The following CPEB1 variants were observed in gnomAD, a reference collection of about 807,000 sequenced individuals.
CPEB1 encodes the protein cytoplasmic polyadenylation element-binding protein 1.
Under a neutral mutation model 65.8 loss-of-function variants are expected in CPEB1, and 7 were observed. The ratio of observed to expected loss-of-function variants is 0.11; its 90% CI spans 0.06 to 0.20. CPEB1 has a LOEUF of 0.20. Among genes scored for constraint, CPEB1 ranks in the 10% least tolerant of loss-of-function variants. The pLI, the probability that CPEB1 is intolerant of heterozygous loss-of-function variation, is 1.00. For missense variants in CPEB1, 551 were observed against 712.2 expected, an observed-to-expected ratio of 0.77 and a Z score of 2.58; for synonymous variants, 262 against 260.0, an observed-to-expected ratio of 1.01 and a Z score of -0.08.
At position 82,549,763 on chromosome 15, in the gene CPEB1, C is replaced by T. The variant is rs1567167149; in HGVS notation, c.1282-105G>A. On this transcript the variant is annotated intron_variant, in intron 9 of 12. Transcript: ENST00000684509. ...TGGAGATACTGAAGCTAAGCTAACG[C>T]CCTTACAGGGGTGAAAAGGTGCTGT... 4 of 1,117,170 alleles carry T rather than the reference C, an allele frequency of 3.6e-6. No homozygotes were observed. In the East Asian group the frequency reaches 7.7e-5, roughly 21 times the overall value. The allele number at this position is 1,117,170 out of a possible 1,614,324, so 69.2% of individuals were successfully genotyped here.
intron 3 of CPEB1, among the ~76,000 whole-genome samples, chr15:82,574,655 A>G (rs1411652004): frequency 7.1e-6 from 1 of 141,210 alleles, no homozygotes; most frequent in Admixed American, 7.6e-5. Context: ...CAGGAAGGGG[A>G]GAGGTTGCAG....
intron 5 of CPEB1, chr15:82,556,614 T>C (rs2037244592): frequency 6.6e-6 from 1 of 152,604 alleles, no homozygotes; most frequent in Admixed American, 6.5e-5. Flanking sequence ...TTTACGTGTG[T>C]GAAATGATAC....
intron 3 of CPEB1, among the ~76,000 whole-genome samples, chr15:82,607,806 C>G (rs71412264): frequency 0.015 from 2,243 of 152,166 alleles, 26 homozygotes; most frequent in East Asian, 0.025. Flanking sequence ...CACCAATGAA[C>G]CTAACACAGA....
chr15:82,569,240 T>C (rs1181165602), intron 4 of CPEB1, among the ~76,000 whole-genome samples: 1 of 152,186 alleles, frequency 6.6e-6, no homozygotes, highest in East Asian at 1.9e-4. Context: ...AGTACCCTCA[T>C]GTGGGCTTTC....
intron 1 of CPEB1, among the ~76,000 whole-genome samples, chr15:82,634,488 T>A (rs1413042939): frequency 1.3e-5 from 2 of 152,198 alleles, no homozygotes; most frequent in African/African-American, 4.8e-5. Flanking sequence ...AGTTTGCCTT[T>A]AATGGACAAC....
At chr15:82,647,999 T>G (rs1362485022), upstream of CPEB1, 6 of 704,420 alleles carry the variant, frequency 8.5e-6, no homozygotes, top group Non-Finnish European at 1.2e-5. Flanking sequence ...CTTATGAAGC[T>G]CCTACGAGCC....
chr15:82,546,352 C>G, intron 12 of CPEB1, 89 bp downstream of exon 12: 1 of 1,042,076 alleles, frequency 9.6e-7, no homozygotes, highest in South Asian at 1.4e-5. Flanking sequence ...ACCTTGGCAT[C>G]CCAAAGTGCT....
At chr15:82,642,104 G>C (rs1424519456) in intron 1 of CPEB1, among the ~76,000 whole-genome samples, 1 of 152,122 alleles carries the variant, frequency 6.6e-6, no homozygotes, top group Non-Finnish European at 1.5e-5. Flanking sequence ...TGCACTGTTG[G>C]GGCAGGTCCT....
intron 4 of CPEB1, among the ~76,000 whole-genome samples, chr15:82,570,498 G>C (rs2039859462): frequency 6.6e-6 from 1 of 151,050 alleles, no homozygotes; most frequent in Admixed American, 6.7e-5. Context: ...TAGTGTTTAA[G>C]TTCACATTTC....
At chr15:82,634,041 C>T (rs2046464772) in intron 1 of CPEB1, among the ~76,000 whole-genome samples, 1 of 151,930 alleles carries the variant, frequency 6.6e-6, no homozygotes, top group South Asian at 2.1e-4. Flanking sequence ...CATGGATATG[C>T]TCAATAAATA....
At chr15:82,545,935 A>G (rs1411503740) in intron 12 of CPEB1, among the ~76,000 whole-genome samples, 1 of 152,152 alleles carries the variant, frequency 6.6e-6, no homozygotes, top group Non-Finnish European at 1.5e-5. Flanking sequence ...CCAGGCAAGA[A>G]AAAGACCAAA....
At chr15:82,577,444 A>G (rs555373941) in intron 3 of CPEB1, among the ~76,000 whole-genome samples, 89 of 152,252 alleles carry the variant, frequency 5.8e-4, no homozygotes, top group African/African-American at 2.1e-3. Context: ...AGTTTTCTCT[A>G]TCTTTTAAGT....
chr15:82,590,209 CA>C (rs5814120), intron 3 of CPEB1, among the ~76,000 whole-genome samples: 3,679 of 102,246 alleles, frequency 0.036, 19 homozygotes, highest in Non-Finnish European at 0.053. Flanking sequence ...ATCCCTTTGA[CA>C]AAAAAAAAAA....
intron 4 of CPEB1, among the ~76,000 whole-genome samples, chr15:82,570,470 A>G (rs1043039434): frequency 4.0e-5 from 6 of 150,286 alleles, no homozygotes; most frequent in Admixed American, 1.3e-4. Flanking sequence ...CAAAATATGT[A>G]GCTTGTAAGT....
chr15:82,553,636 TTCTCCTCC>T (rs1283780536), intron 7 of CPEB1, 80 bp from the exon 8 acceptor site: 42 of 1,057,094 alleles, frequency 4.0e-5, no homozygotes, highest in Non-Finnish European at 5.3e-5. Flanking sequence ...ATCACCAGCA[TTCTCCTCC>T]CTGGCTCATC....
chr15:82,564,817 T>C (rs1302306522), intron 4 of CPEB1, among the ~76,000 whole-genome samples: 1 of 152,124 alleles, frequency 6.6e-6, no homozygotes, highest in Non-Finnish European at 1.5e-5. Context: ...TCTGTCCTAA[T>C]CAACCCTCCC....
At chr15:82,564,887 CAAGA>C (rs948381496) in intron 4 of CPEB1, among the ~76,000 whole-genome samples, 23 of 152,028 alleles carry the variant, frequency 1.5e-4, no homozygotes, top group African/African-American at 5.3e-4. Flanking sequence ...AGTACAGGAG[CAAGA>C]AAGAGTGTCT....
rs143868009 is a variant in CPEB1, at chr15:82,628,749, C to G, written c.-97-193G>C. 9 of 330,146 alleles carry G rather than the reference C, an allele frequency of 2.7e-5. No individual in the cohort carries two copies. In the South Asian group the frequency reaches 5.7e-4, roughly 21 times the overall value. 20.5% of individuals were successfully genotyped at this position (330,146 alleles called of 1,614,324 possible). On this transcript the variant is annotated intron_variant, in intron 1 of 12. Transcript: ENST00000684509. Reference sequence around the variant, plus strand: ...AGACCAATCAATCCTTCCTCTTCCTCGGCCTGCTCAATGTGAAAACAGTAA... The same window carrying G: ...AGACCAATCAATCCTTCCTCTTCCTGGGCCTGCTCAATGTGAAAACAGTAA...
chr15:82,560,858 G>A (rs997061217), intron 4 of CPEB1, among the ~76,000 whole-genome samples: 1 of 152,252 alleles, frequency 6.6e-6, no homozygotes, highest in Non-Finnish European at 1.5e-5. Context: ...TTCTCCAGCA[G>A]AGCTCAGATA....
Sources: gnomAD v4.1 joint callset for allele counts (sites outside exome capture counted in the v4.1 genomes callset) on GRCh38, gnomAD v4.1.1 for gene constraint, MANE v1.5 for transcripts, NCBI Gene and HGNC (gene_info 2026-07-23, HGNC 2026-07-21) for gene names.